The following OLFM4 variants were observed in gnomAD, a reference collection of about 807,000 sequenced individuals.
OLFM4 encodes the protein olfactomedin-4.
A neutral mutation model predicts 25.5 loss-of-function variants in OLFM4; 22 were observed. That is an observed-to-expected ratio of 0.86 (90% confidence interval 0.62 to 1.23). OLFM4 has a LOEUF of 1.23. Among genes scored for constraint, OLFM4 ranks in the 50% most tolerant of loss-of-function variants. The pLI is 0.00. For synonymous variants in OLFM4, 255 were observed against 237.7 expected (o/e 1.07, Z -0.67); for missense variants, 594 against 619.4 (o/e 0.96, Z 0.44).
intron 4 of OLFM4, 144 bp from the exon 5 acceptor site, chr13:53,049,825 C>T (rs1420895638): frequency 1.3e-6 from 1 of 796,028 alleles, no homozygotes. Flanking sequence ...GGAGGTTTGG[C>T]TCTTCTCCAT....
intron 2 of OLFM4, among the ~76,000 whole-genome samples, chr13:53,038,531 C>T (rs765814288): frequency 2.0e-5 from 3 of 152,090 alleles, no homozygotes; most frequent in Non-Finnish European, 4.4e-5. Context: ...TTTGTGTGTG[C>T]ATATATATCT....
intron 2 of OLFM4, among the ~76,000 whole-genome samples, chr13:53,041,609 C>A (rs993813209): frequency 5.3e-5 from 8 of 152,090 alleles, no homozygotes; most frequent in Admixed American, 3.9e-4. Flanking sequence ...GGGTATATAC[C>A]CCTGAGCCTA....
At chr13:53,042,244 G>A in intron 3 of OLFM4, 122 bp downstream of exon 3, 2 of 804,260 alleles carry the variant, frequency 2.5e-6, no homozygotes, top group South Asian at 3.5e-5. Context: ...CTGTCTCATG[G>A]CCACATGGCA....
intron 4 of OLFM4, among the ~76,000 whole-genome samples, chr13:53,045,490 T>C (rs1954711331): frequency 6.6e-6 from 1 of 152,192 alleles, no homozygotes; most frequent in African/African-American, 2.4e-5. Context: ...TTTGGATTGG[T>C]TGATAATGCA....
chr13:53,043,368 G>A (rs1954698068), intron 4 of OLFM4, 104 bp downstream of exon 4: 1 of 459,226 alleles, frequency 2.2e-6, no homozygotes, highest in Non-Finnish European at 3.1e-6. Flanking sequence ...AAGAAGGTGG[G>A]TTGTTTTTTT....
At chr13:53,047,725 T>A (rs1196591344) in intron 4 of OLFM4, among the ~76,000 whole-genome samples, 2 of 152,182 alleles carry the variant, frequency 1.3e-5, no homozygotes, top group African/African-American at 4.8e-5. Context: ...AATACTATTA[T>A]ACTAATAATA....
chr13:53,042,482 G>T (rs1954693024), intron 3 of OLFM4, among the ~76,000 whole-genome samples: 1 of 152,202 alleles, frequency 6.6e-6, no homozygotes, highest in Non-Finnish European at 1.5e-5. Flanking sequence ...CATGGAACTA[G>T]AAATCCACAA....
intron 2 of OLFM4, among the ~76,000 whole-genome samples, chr13:53,037,816 A>G (rs1593479098): frequency 6.6e-6 from 1 of 152,226 alleles, no homozygotes; most frequent in Admixed American, 6.5e-5. Flanking sequence ...CTTATTTCAA[A>G]TAGTCTGGCC....
At chr13:53,035,643 T>C (rs574681797) in intron 2 of OLFM4, among the ~76,000 whole-genome samples, 54 of 152,340 alleles carry the variant, frequency 3.5e-4, no homozygotes, top group Non-Finnish European at 6.2e-4. Context: ...TTATCTTCTA[T>C]TGTCTCAGCA....
chr13:53,032,894 C>A (rs1314641095), intron 1 of OLFM4, among the ~76,000 whole-genome samples: 2 of 152,154 alleles, frequency 1.3e-5, no homozygotes, highest in African/African-American at 4.8e-5. Flanking sequence ...GCACAGGACC[C>A]ATTACACCAC....
In OLFM4 at chr13:53,050,550, G is replaced by C; in HGVS notation, c.1312G>C (p.Gly438Arg). The C allele has an allele frequency of 6.2e-7, 1 of 1,613,962 alleles. No individual in the cohort carries two copies. Among genetic ancestry groups the C allele is most frequent in the Non-Finnish European group, 8.5e-7 (1 of 1,179,974 alleles). Residue 438 changes from glycine to arginine, a missense_variant, in exon 5 of 5, where the codon GGG becomes CGG. Physicochemically the swap from Gly to Arg is moderately radical, Grantham distance 125 (BLOSUM62 -2). Coordinates refer to ENST00000219022, the MANE Select transcript of OLFM4 (RefSeq NM_006418.5). ...TGCTTCTAACGCCTTCATGGTATGT[G>C]GGGTTCTGTATGCCACCCGTACTAT... ...PSASNAFMVC[G>R]VLYATRTMNT... is the part of the protein sequence containing the mutation.
At chr13:53,040,581 G>C (rs1018596853) in intron 2 of OLFM4, among the ~76,000 whole-genome samples, 1 of 152,220 alleles carries the variant, frequency 6.6e-6, no homozygotes, top group East Asian at 1.9e-4. Flanking sequence ...CAACGATTTT[G>C]TCCCCAGGGA....
At chr13:53,034,597 A>C in intron 2 of OLFM4, 97 bp downstream of exon 2, 1 of 1,055,040 alleles carries the variant, frequency 9.5e-7, no homozygotes, top group Middle Eastern at 2.9e-4. Context: ...TTCACTATCA[A>C]AGACATCACG....
At chr13:53,035,528 T>G (rs1954653927) in intron 2 of OLFM4, among the ~76,000 whole-genome samples, 1 of 152,226 alleles carries the variant, frequency 6.6e-6, no homozygotes, top group African/African-American at 2.4e-5. Context: ...GTCACCCTGT[T>G]GTGCTGTTGA....
intron 2 of OLFM4, among the ~76,000 whole-genome samples, chr13:53,036,376 T>A (rs139102076): frequency 1.3e-5 from 2 of 152,338 alleles, no homozygotes; most frequent in African/African-American, 4.8e-5. Context: ...TAGAGTCATT[T>A]GCTTTGAAAT....
At chr13:53,047,813 A>T (rs1474829674) in intron 4 of OLFM4, among the ~76,000 whole-genome samples, 1 of 152,164 alleles carries the variant, frequency 6.6e-6, no homozygotes. Context: ...CATGTCTAAA[A>T]ATTTCCACAT....
intron 4 of OLFM4, among the ~76,000 whole-genome samples, chr13:53,044,722 A>G (rs1279724891): frequency 1.3e-5 from 2 of 152,194 alleles, no homozygotes; most frequent in Non-Finnish European, 2.9e-5. Context: ...AGGGCAGACA[A>G]CATGGTCTGT....
chr13:53,039,984 A>G (rs1412780777), intron 2 of OLFM4, among the ~76,000 whole-genome samples: 1 of 152,236 alleles, frequency 6.6e-6, no homozygotes, highest in Non-Finnish European at 1.5e-5. Flanking sequence ...TGCTTTTGGT[A>G]TAAGAAGGAT....
At chr13:53,033,227 G>C (rs2138231313) in intron 1 of OLFM4, among the ~76,000 whole-genome samples, 1 of 152,270 alleles carries the variant, frequency 6.6e-6, no homozygotes, top group East Asian at 1.9e-4. Context: ...GTGTGAGTCT[G>C]AATATCTTAA....
Sources: allele counts gnomAD v4.1 joint callset (sites outside exome capture counted in the v4.1 genomes callset), GRCh38; gene constraint gnomAD v4.1.1; transcripts MANE v1.5; gene names NCBI Gene and HGNC (gene_info 2026-07-23, HGNC 2026-07-21).